The following CADM2 variants were observed in gnomAD, a reference collection of about 807,000 sequenced individuals.
CADM2 encodes cell adhesion molecule 2, also known as immunoglobulin superfamily member 4D.
Under a neutral mutation model 49.8 loss-of-function variants are expected in CADM2, and 12 were observed. That is an observed-to-expected ratio of 0.24 (90% CI 0.15 to 0.39). The LOEUF (loss-of-function observed/expected upper bound fraction) is 0.39, where lower values mean the gene tolerates loss of function less well. CADM2 is among the 10% of genes least tolerant of loss of function. CADM2 has a pLI of 1.00. For synonymous variants in CADM2, 214 were observed against 175.4 expected (o/e 1.22, Z -1.74); for missense variants, 378 against 492.3 (o/e 0.77, Z 2.20).
intron 8 of CADM2, among the ~76,000 whole-genome samples, chr3:86,008,698 A>C (rs554947276): frequency 6.6e-6 from 1 of 152,148 alleles, no homozygotes; most frequent in South Asian, 2.1e-4. Context: ...TGAACTATTG[A>C]ATGCTTTTTT....
At chr3:85,838,247 A>T (rs2074488026) in intron 3 of CADM2, among the ~76,000 whole-genome samples, 1 of 151,846 alleles carries the variant, frequency 6.6e-6, no homozygotes, top group African/African-American at 2.4e-5. Flanking sequence ...AAAAGGAAAC[A>T]TAAATCAAAC....
intron 1 of CADM2, among the ~76,000 whole-genome samples, chr3:85,393,066 C>G (rs2034596062): frequency 7.1e-6 from 1 of 141,730 alleles, no homozygotes; most frequent in Non-Finnish European, 1.5e-5. Flanking sequence ...GAAGAGAAAA[C>G]CTGGAGGCAA....
chr3:85,710,836 A>T (rs2067095132), intron 1 of CADM2, among the ~76,000 whole-genome samples: 1 of 152,112 alleles, frequency 6.6e-6, no homozygotes, highest in Admixed American at 6.6e-5. Context: ...CCTTCTATTT[A>T]GAGTGCATGA....
At chr3:85,811,356 A>G (rs1214505893) in intron 3 of CADM2, among the ~76,000 whole-genome samples, 1 of 152,218 alleles carries the variant, frequency 6.6e-6, no homozygotes, top group Non-Finnish European at 1.5e-5. Flanking sequence ...CTACTAAAAG[A>G]AAAATTATTT....
rs1179733760 is a variant in CADM2, at chr3:86,067,438, T to C, written c.*655T>C. ...GAGCCATGTGTACGAATTGCAATCA[T>C]GACATGGTATTTTCTATAATTATAG... On this transcript the variant is annotated 3_prime_UTR_variant, in exon 10 of 10. Transcript: ENST00000383699. 6.6e-6 allele frequency: 1 copy of C among 152,584 alleles called. No homozygotes were observed. The highest frequency in any genetic ancestry group is 1.5e-5 in the Non-Finnish European group (1 of 67,976). The allele number at this position is 152,584 out of a possible 1,614,324, so 9.5% of individuals were successfully genotyped here. A position where few individuals can be genotyped will look rare whatever the true frequency, so the allele number is the denominator to read the frequency against.
chr3:85,938,157 C>T (rs1203376822), intron 7 of CADM2, among the ~76,000 whole-genome samples: 2 of 151,986 alleles, frequency 1.3e-5, no homozygotes, highest in Non-Finnish European at 2.9e-5. Flanking sequence ...CTGTCTTCTC[C>T]ATTAGATGAA....
At chr3:85,748,211 AAG>A (rs1462407122) in intron 2 of CADM2, among the ~76,000 whole-genome samples, 1 of 152,010 alleles carries the variant, frequency 6.6e-6, no homozygotes. Context: ...CCAGACATCA[AAG>A]CCTTTCTCTC....
intron 1 of CADM2, among the ~76,000 whole-genome samples, chr3:85,702,134 T>C (rs2066797654): frequency 6.6e-6 from 1 of 152,130 alleles, no homozygotes; most frequent in African/African-American, 2.4e-5. Flanking sequence ...CTGCCTGCTT[T>C]AACAAGCATG....
chr3:85,197,585 G>T (rs1432722674), intron 1 of CADM2, among the ~76,000 whole-genome samples: 2 of 151,912 alleles, frequency 1.3e-5, no homozygotes, highest in Non-Finnish European at 2.9e-5. Context: ...CTCCAAACTA[G>T]ATGTTTAACT....
Position 85,836,604 on chromosome 3 carries a change from G to A in CADM2, c.238+34408G>A, listed in dbSNP as rs192211984. Among the ~76,000 whole-genome samples, 11 of 151,592 alleles carry A rather than the reference G, an allele frequency of 7.3e-5. No individual in the cohort carries two copies. In the East Asian group the frequency reaches 2.1e-3, roughly 30 times the overall value. On this transcript the variant is annotated intron_variant, in intron 3 of 9. Coordinates refer to ENST00000383699, the MANE Select transcript of CADM2 (RefSeq NM_001167675.2). ...TTTCACTGGATGTGTGTGGCATAAA[G>A]GATATCTATTTGGAGAGATTTAATG...
intron 1 of CADM2, among the ~76,000 whole-genome samples, chr3:85,198,579 A>C (rs765192302): frequency 1.3e-5 from 2 of 151,848 alleles, no homozygotes; most frequent in Non-Finnish European, 3.0e-5. Context: ...TACAAGCAGG[A>C]ATAGTCACTT....
intron 6 of CADM2, among the ~76,000 whole-genome samples, chr3:85,928,357 C>T (rs1397717339): frequency 6.6e-6 from 1 of 152,036 alleles, no homozygotes; most frequent in Admixed American, 6.6e-5. Flanking sequence ...CGGCGTTTCA[C>T]CATGTTGGGC....
chr3:85,348,974 C>T (rs960868651), intron 1 of CADM2, among the ~76,000 whole-genome samples: 2 of 152,138 alleles, frequency 1.3e-5, no homozygotes, highest in African/African-American at 2.4e-5. Context: ...CTATTACCTA[C>T]ATATGAGTAG....
chr3:85,885,828 G>A (rs1713558458), intron 4 of CADM2, among the ~76,000 whole-genome samples: 1 of 140,758 alleles, frequency 7.1e-6, no homozygotes, highest in Admixed American at 7.4e-5. Flanking sequence ...CTCCATCCTG[G>A]GCGACAGAGC....
intron 1 of CADM2, among the ~76,000 whole-genome samples, chr3:85,074,264 A>G (rs2036861880): frequency 6.6e-6 from 1 of 151,796 alleles, no homozygotes; most frequent in African/African-American, 2.4e-5. Context: ...ATTCGTCCCA[A>G]CTTTGGCATT....
At chr3:85,574,957 A>G (rs2062589184) in intron 1 of CADM2, among the ~76,000 whole-genome samples, 2 of 152,038 alleles carry the variant, frequency 1.3e-5, no homozygotes, top group African/African-American at 2.4e-5. Flanking sequence ...CAAGCTGATT[A>G]CCCTTATTGA....
At chr3:86,037,441 G>T (rs549861175) in intron 8 of CADM2, among the ~76,000 whole-genome samples, 3 of 149,470 alleles carry the variant, frequency 2.0e-5, no homozygotes, top group Non-Finnish European at 2.9e-5. Context: ...CTTTAAGAGA[G>T]GGGGGCAGGG....
intron 2 of CADM2, among the ~76,000 whole-genome samples, chr3:85,797,990 T>C (rs369185193): frequency 6.6e-5 from 10 of 152,248 alleles, no homozygotes; most frequent in African/African-American, 2.4e-4. Flanking sequence ...TGGTTTTGAT[T>C]TGCATTTCTC....
chr3:85,887,373 A>G (rs1476629469), intron 5 of CADM2, among the ~76,000 whole-genome samples: 1 of 152,196 alleles, frequency 6.6e-6, no homozygotes, highest in Non-Finnish European at 1.5e-5. Flanking sequence ...GTGAGCCACC[A>G]TGCTCAGACA....
Sources: allele counts gnomAD v4.1 joint callset (sites outside exome capture counted in the v4.1 genomes callset), GRCh38; gene constraint gnomAD v4.1.1; transcripts MANE v1.5; gene names NCBI Gene and HGNC (gene_info 2026-07-23, HGNC 2026-07-21).